Variants in PGLYRP2 observed in about 807,000 individuals in gnomAD.
PGLYRP2 encodes peptidoglycan recognition protein 2.
In PGLYRP2, 38 loss-of-function variants were observed where a neutral mutation model predicts 46.2. The ratio of observed to expected loss-of-function variants is 0.82; its 90% CI spans 0.64 to 1.08. The LOEUF (loss-of-function observed/expected upper bound fraction) is 1.08. Among genes scored for constraint, PGLYRP2 ranks in the 50% least tolerant of loss-of-function variants. The probability of loss-of-function intolerance (pLI) is 0.00; values close to 1 mark genes in which losing one functional copy is unlikely to be tolerated. For synonymous variants in PGLYRP2, 289 were observed against 329.4 expected, an observed-to-expected ratio of 0.88 and a Z score of 1.33; for missense variants, 713 against 755.9, an observed-to-expected ratio of 0.94 and a Z score of 0.67.
intron 3 of PGLYRP2, 51 bp downstream of exon 3, chr19:15,471,839 C>A (rs751810005): frequency 6.3e-7 from 1 of 1,584,494 alleles, no homozygotes; most frequent in Non-Finnish European, 8.6e-7. Flanking sequence ...CCCACTCAGA[C>A]CCCATCCCCG....
chr19:15,479,052 T>G (rs1484547838), intron 1 of PGLYRP2, among the ~76,000 whole-genome samples: 1 of 152,188 alleles, frequency 6.6e-6, no homozygotes, highest in Non-Finnish European at 1.5e-5. Context: ...CCCAAATCAT[T>G]TCTCTTTCTT....
intron 1 of PGLYRP2, among the ~76,000 whole-genome samples, chr19:15,478,729 T>C (rs1240729504): frequency 6.6e-6 from 1 of 151,916 alleles, no homozygotes; most frequent in East Asian, 1.9e-4. Context: ...CAAGCAATTT[T>C]CTGGCCTCAG....
chr19:15,472,444 A>G (rs1237951308), intron 2 of PGLYRP2, among the ~76,000 whole-genome samples: 2 of 151,386 alleles, frequency 1.3e-5, no homozygotes, highest in African/African-American at 2.4e-5. Context: ...ACAAAAATCA[A>G]CCAGGCATGG....
At chr19:15,479,200 A>G in intron 1 of PGLYRP2, 111 bp downstream of exon 1, 1 of 1,125,454 alleles carries the variant, frequency 8.9e-7, no homozygotes, top group Non-Finnish European at 1.3e-6. Flanking sequence ...AGCTTCTTTG[A>G]GAGCTTGAGT....
chr19:15,473,749 T>C (rs1048474084), intron 2 of PGLYRP2, among the ~76,000 whole-genome samples: 12 of 150,050 alleles, frequency 8.0e-5, no homozygotes, highest in South Asian at 2.1e-4. Context: ...GGAGAAAATA[T>C]TTGCAAACTA....
In PGLYRP2 at chr19:15,475,584, G is replaced by A. The variant is rs1970786113; in HGVS notation, c.1086C>T (p.Ala362=). The A allele has an allele frequency of 6.2e-7, 1 of 1,612,404 alleles. No homozygotes were observed. Among genetic ancestry groups the A allele is most frequent in the Admixed American group, 1.7e-5 (1 of 59,848 alleles). The part of the protein sequence containing the change: ...QLQCMSQEQL[A]QVAANATKEF... ...CCTTGGTAGCATTGGCAGCCACCTG[G>A]GCCAGCTGTTCTTGGCTCATGCACT... Residue 362 remains alanine (A), a synonymous_variant, in exon 2 of 5, where the codon GCC becomes GCT. Transcript: ENST00000340880.
chr19:15,478,035 G>T (rs935516602), intron 1 of PGLYRP2, among the ~76,000 whole-genome samples: 11 of 152,140 alleles, frequency 7.2e-5, no homozygotes, highest in Admixed American at 5.9e-4. Context: ...AGATCTCTGA[G>T]GTTGGGTAAT....
rs772542983 is a variant in PGLYRP2 at position 15,479,361 on chromosome 19, C to T, written c.11G>A (p.Gly4Asp). 1.9e-6 allele frequency: 3 copies of T among 1,614,040 alleles called. No individual in the cohort carries two copies. The South Asian group carries it at 3.3e-5, about 18-fold the overall frequency. MAQ[G>D]VLWILLGLLL... ...CAATCCGAGTAGGATCCAGAGGACA[C>T]CCTGGGCCATTGTTGCAGGATTCCA... Residue 4 changes from glycine (G) to aspartate (D), a missense_variant, in exon 1 of 5, where the codon GGT becomes GAT. Transcript: ENST00000340880.
intron 2 of PGLYRP2, 50 bp downstream of exon 2, chr19:15,475,488 C>G (rs778845674): frequency 1.3e-6 from 2 of 1,492,334 alleles, no homozygotes; most frequent in African/African-American, 1.4e-5. Context: ...GGGGTGGGGG[C>G]GTCTGTGTCT....
chr19:15,469,812 G>A lies in PGLYRP2; in HGVS notation c.1461C>T (p.Thr487=). 5.2e-6 allele frequency: 8 copies of A among 1,524,472 alleles called. No homozygotes were observed. Among genetic ancestry groups the A allele is most frequent in the Non-Finnish European group, 6.1e-6 (7 of 1,145,892 alleles). The allele number at this position is 1,524,472 out of a possible 1,614,324, so 94.4% of individuals were successfully genotyped here. The change falls in exon 4 of 5, where the codon ACC becomes ACT. Residue 487 remains threonine, a synonymous_variant. Transcript: ENST00000340880. The surrounding 1 kb of genome is among the most constrained non-coding windows in gnomAD (Gnocchi z 4.9). ...GFGVAIVGNY[T]AALPTEAALR... is the part of the protein sequence containing the mutation. ...GAGCGGCCTCGGTGGGCAGCGCCGC[G>A]GTGTAGTTGCCCACTATGGCCACGC...
chr19:15,468,847 A>G (rs1970717429), intron 4 of PGLYRP2, 95 bp from the exon 5 acceptor site: 8 of 914,418 alleles, frequency 8.7e-6, no homozygotes, highest in African/African-American at 1.7e-5. Context: ...CAGGGAGGGG[A>G]CAGTGGCCCA....
chr19:15,471,727 T>C (rs181668770), intron 3 of PGLYRP2, among the ~76,000 whole-genome samples, 163 bp downstream of exon 3: 1 of 152,214 alleles, frequency 6.6e-6, no homozygotes, highest in East Asian at 1.9e-4. Flanking sequence ...GCCCCTAGCC[T>C]AAGCCACGCC....
chr19:15,479,387 G>C lies in PGLYRP2; in HGVS notation c.-16C>G. The C allele has an allele frequency of 6.2e-7, 1 of 1,613,382 alleles. No individual in the cohort carries two copies. Among genetic ancestry groups the C allele is most frequent in the Non-Finnish European group, 8.5e-7 (1 of 1,179,630 alleles). On this transcript the variant is annotated 5_prime_UTR_variant, in exon 1 of 5. Transcript: ENST00000340880. ...CCTGGGCCATTGTTGCAGGATTCCA[G>C]CTTCCAAGGGGTATTTCTGGTTGGC...
At position 15,476,365 on chromosome 19, in the gene PGLYRP2, A is replaced by G. The variant is rs781011063; in HGVS notation, c.305T>C (p.Val102Ala). 66 of 1,613,872 alleles carry G rather than the reference A, an allele frequency of 4.1e-5. No homozygotes were observed. The highest frequency in any genetic ancestry group is 5.4e-5 in the Non-Finnish European group (64 of 1,180,002). The change falls in exon 2 of 5, where the codon GTA becomes GCA. Residue 102 changes from valine to alanine, a missense_variant. Coordinates refer to ENST00000340880, the MANE Select transcript of PGLYRP2 (RefSeq NM_052890.4). ...CACCCCATATTCCTTCCCTTCTCGT[A>G]CGTCATGTCGGGCCACCTCCTTGGT... is the stretch of plus-strand genomic sequence containing the variant. The part of the protein sequence containing the change: ...GLTKEVARHD[V>A]REGKEYGVVL...
Position 15,469,692 on chromosome 19 carries a change from G to A in PGLYRP2, c.1581C>T (p.Arg527=), listed in dbSNP as rs1307703808. The change falls in exon 4 of 5, where the codon CGC becomes CGT. Residue 527 remains arginine, a synonymous_variant. Transcript: ENST00000340880. This position sits in a 1 kb window ranked among gnomAD's most constrained non-coding sequence, Gnocchi z 4.9. ...YALLGHRQLV[R]TDCPGDALFD... is the part of the protein sequence containing the mutation. ...AGAGCGCGTCGCCGGGGCAGTCGGT[G>A]CGCACCAGCTGGCGGTGGCCCAGCA... 1 of 1,529,148 alleles carries A rather than the reference G, an allele frequency of 6.5e-7. No homozygotes were observed. The highest frequency in any genetic ancestry group is 8.7e-7 in the Non-Finnish European group (1 of 1,143,606). 94.7% of individuals were successfully genotyped at this position (1,529,148 alleles called of 1,614,324 possible). A position where few individuals can be genotyped will look rare whatever the true frequency, so the allele number is the denominator to read the frequency against.
chr19:15,478,477 A>T (rs189237504), intron 1 of PGLYRP2, among the ~76,000 whole-genome samples: 1 of 152,198 alleles, frequency 6.6e-6, no homozygotes, highest in African/African-American at 2.4e-5. Flanking sequence ...CTTCTTTACA[A>T]ATTTACTCAG....
chr19:15,477,721 T>TAAAATTAAAATAAAATAAAA (rs56127600), intron 1 of PGLYRP2, among the ~76,000 whole-genome samples: 21,063 of 134,878 alleles, frequency 0.16, 1,748 homozygotes, highest in South Asian at 0.2. Context: ...TAAAATAAAA[T>TAAAATTAAAATAAAATAAAA]TAAATTAAAA....
At chr19:15,477,488 G>A (rs983431435) in intron 1 of PGLYRP2, among the ~76,000 whole-genome samples, 4 of 150,706 alleles carry the variant, frequency 2.7e-5, no homozygotes, top group Middle Eastern at 7.0e-3. Context: ...ACCTGAGGTC[G>A]GGAGCTCAGG....
At chr19:15,471,783 G>C in intron 3 of PGLYRP2, 107 bp downstream of exon 3, 1 of 1,304,590 alleles carries the variant, frequency 7.7e-7, no homozygotes, top group Non-Finnish European at 1.0e-6. Context: ...CCTTGGTCTT[G>C]CCAGCTTTCC....
Sources: gnomAD v4.1 joint callset for allele counts (sites outside exome capture counted in the v4.1 genomes callset) on GRCh38, gnomAD v4.1.1 for gene constraint, Gnocchi (gnomAD v3.1) non-coding constraint, MANE v1.5 for transcripts, NCBI Gene and HGNC (gene_info 2026-07-23, HGNC 2026-07-21) for gene names.